The following LINGO1 variants were observed in gnomAD, a reference collection of about 807,000 sequenced individuals.
The protein encoded by LINGO1 is leucine rich repeat and Ig domain containing 1.
LINGO1 carries 11 observed loss-of-function variants against 37.3 expected under a neutral mutation model. That is an observed-to-expected ratio of 0.29 (90% CI 0.19 to 0.49). The LOEUF (loss-of-function observed/expected upper bound fraction) is 0.49, where lower values mean the gene tolerates loss of function less well. LINGO1 is among the 20% of genes least tolerant of loss of function. The probability of loss-of-function intolerance (pLI) is 0.99; values close to 1 mark genes in which losing one functional copy is unlikely to be tolerated. For missense variants in LINGO1, 585 were observed against 878.2 expected (o/e 0.67, Z 4.22); for synonymous variants, 387 against 403.0 (o/e 0.96, Z 0.48).
intron 3 of LINGO1, among the ~76,000 whole-genome samples, chr15:77,656,007 G>T (rs548434879): frequency 4.6e-5 from 7 of 152,364 alleles, no homozygotes; most frequent in African/African-American, 1.4e-4. Context: ...TCCTGCCCCT[G>T]CTGGGACTCT....
In LINGO1 at chr15:77,615,640, G is replaced by A. The variant is rs756744524; in HGVS notation, c.267C>T (p.Asp89=). ...CCAGGTGCGGGAAGCTGGCGAACTC[G>A]TCCTGGTTGAGCGTTTTGATGCGGT... ...GKNRIKTLNQ[D]EFASFPHLEE... is the part of the protein sequence containing the mutation. Residue 89 remains aspartate, a synonymous_variant, in exon 2 of 2, where the codon GAC becomes GAT. Transcript: ENST00000355300. The A allele has an allele frequency of 3.3e-5, 53 of 1,612,214 alleles. No homozygotes were observed. The highest frequency in any genetic ancestry group is 3.2e-5 in the Non-Finnish European group (38 of 1,179,270).
At chr15:77,737,780 C>T (rs58831466) in intron 1 of LINGO1, among the ~76,000 whole-genome samples, 52,826 of 151,920 alleles carry the variant, frequency 0.35, 10,692 homozygotes, top group Admixed American at 0.51. Flanking sequence ...TTCCAGGACT[C>T]GGCCTCTCCT....
At chr15:77,734,448 C>T (rs559386625) in intron 2 of LINGO1, among the ~76,000 whole-genome samples, 10 of 152,102 alleles carry the variant, frequency 6.6e-5, no homozygotes, top group South Asian at 4.2e-4. Context: ...TCAGCCTTGC[C>T]GCCCCTCATC....
At chr15:77,754,925 G>A (rs889524298) in intron 1 of LINGO1, among the ~76,000 whole-genome samples, 3 of 152,378 alleles carry the variant, frequency 2.0e-5, no homozygotes, top group Middle Eastern at 3.4e-3. Context: ...GTGGTCTCCA[G>A]CTCCCAACGC....
intron 3 of LINGO1, among the ~76,000 whole-genome samples, chr15:77,639,969 C>T (rs1355368715): frequency 6.6e-6 from 1 of 152,136 alleles, no homozygotes; most frequent in Non-Finnish European, 1.5e-5. Flanking sequence ...CTCAGCAACC[C>T]GCTCAATCCT....
intron 2 of LINGO1, among the ~76,000 whole-genome samples, chr15:77,727,578 T>G (rs2076114813): frequency 6.6e-6 from 1 of 152,118 alleles, no homozygotes; most frequent in Non-Finnish European, 1.5e-5. Context: ...CCAGGGGCTG[T>G]GGGGACAGCC....
At chr15:77,784,723 G>T (rs2076754506) in intron 1 of LINGO1, 1 of 149,488 alleles carries the variant, frequency 6.7e-6, no homozygotes, top group African/African-American at 2.5e-5. Flanking sequence ...GGCATGAGTA[G>T]TCTTACACCT....
At chr15:77,648,609 A>G (rs1201802552) in intron 3 of LINGO1, 3 of 152,310 alleles carry the variant, frequency 2.0e-5, no homozygotes, top group African/African-American at 7.2e-5. Flanking sequence ...CCTGTGGCCA[A>G]ATGGGACAGA....
Position 77,672,005 on chromosome 15 carries a change from C to T in LINGO1, c.-13+5084G>A, listed in dbSNP as rs566474226. On this transcript the variant is annotated intron_variant, in intron 3 of 3. Transcript: ENST00000559893. ...CAAACACATGATGAGCCTCTGCCTC[C>T]TCCTCCTCCTCCTCCTCCTCCTCCT... Among the ~76,000 whole-genome samples the T allele has an allele frequency of 1.1e-4, 16 of 148,902 alleles. No homozygotes were observed. The East Asian group carries it at 3.2e-3, about 30-fold the overall frequency.
chr15:77,751,069 C>T (rs4316721), intron 1 of LINGO1, among the ~76,000 whole-genome samples: 152,060 of 152,264 alleles, frequency 1, 75,933 homozygotes, highest in Middle Eastern at 1. Flanking sequence ...GTACCATCTC[C>T]CTCTCTGTGT....
chr15:77,735,014 G>C (rs71398958), exon 2 of LINGO1: 1,708 of 152,690 alleles, frequency 0.011, 15 homozygotes, highest in South Asian at 0.036. Flanking sequence ...TCAGGGCTCA[G>C]GGCTCCGGGC....
chr15:77,677,131 G>C (rs563876752), exon 3 of LINGO1: 1 of 152,624 alleles, frequency 6.6e-6, no homozygotes, highest in Admixed American at 6.5e-5. Context: ...TGGCCTCTGG[G>C]GGCCTGGGGT....
chr15:77,635,150 G>C (rs947270578), upstream of LINGO1, among the ~76,000 whole-genome samples: 8 of 152,210 alleles, frequency 5.3e-5, no homozygotes, highest in Non-Finnish European at 1.2e-4. Flanking sequence ...CAGCAGGGAT[G>C]ACCACGGAGC....
upstream of LINGO1, among the ~76,000 whole-genome samples, chr15:77,697,160 G>C (rs2075707029): frequency 6.6e-6 from 1 of 152,222 alleles, no homozygotes; most frequent in Non-Finnish European, 1.5e-5. Context: ...CCTGGTGCAG[G>C]GCTGTGTAGG....
At chr15:77,806,735 C>T (rs1015274527) in intron 1 of LINGO1, among the ~76,000 whole-genome samples, 7 of 152,100 alleles carry the variant, frequency 4.6e-5, no homozygotes, top group African/African-American at 1.4e-4. Context: ...AACTGGAGTG[C>T]CTCTCCCCAC....
chr15:77,672,733 A>C (rs1185824016), intron 3 of LINGO1, among the ~76,000 whole-genome samples: 2 of 152,222 alleles, frequency 1.3e-5, no homozygotes, highest in African/African-American at 4.8e-5. Context: ...GAAGAATTGC[A>C]GTGCAGGCTG....
chr15:77,653,901 A>T (rs2074815532), intron 3 of LINGO1, among the ~76,000 whole-genome samples: 1 of 152,238 alleles, frequency 6.6e-6, no homozygotes, highest in Non-Finnish European at 1.5e-5. Context: ...TGTTGACAGC[A>T]TCCCTGTGTG....
chr15:77,731,086 A>AGAATT (rs2076150360), intron 2 of LINGO1, among the ~76,000 whole-genome samples: 1 of 152,196 alleles, frequency 6.6e-6, no homozygotes, highest in Admixed American at 6.5e-5. Context: ...GTCTTAGCTG[A>AGAATT]GAATTATTTT....
chr15:77,728,597 T>C (rs1254929789), intron 2 of LINGO1, among the ~76,000 whole-genome samples: 1 of 152,220 alleles, frequency 6.6e-6, no homozygotes, highest in East Asian at 1.9e-4. Flanking sequence ...CACTCCCTCC[T>C]AGCTGTGTGA....
Sources: gnomAD v4.1 joint callset for allele counts (sites outside exome capture counted in the v4.1 genomes callset) on GRCh38, gnomAD v4.1.1 for gene constraint, MANE v1.5 for transcripts, NCBI Gene and HGNC (gene_info 2026-07-23, HGNC 2026-07-21) for gene names.